Variants in SMYD3 observed in about 807,000 individuals in gnomAD.
The protein encoded by SMYD3 is SET and MYND domain containing 3.
A neutral mutation model predicts 57.7 loss-of-function variants in SMYD3; 36 were observed. The ratio of observed to expected loss-of-function variants is 0.62; its 90% confidence interval spans 0.48 to 0.82. The LOEUF (loss-of-function observed/expected upper bound fraction) is 0.82, where lower values mean the gene tolerates loss of function less well. SMYD3 is among the 40% of genes least tolerant of loss of function. SMYD3 has a pLI of 0.00. For missense variants in SMYD3, 515 were observed against 538.8 expected, an observed-to-expected ratio of 0.96 and a Z score of 0.44; for synonymous variants, 211 against 195.0, an observed-to-expected ratio of 1.08 and a Z score of -0.68.
chr1:246,467,933 G>A (rs1329138638), intron 1 of SMYD3, among the ~76,000 whole-genome samples: 1 of 152,166 alleles, frequency 6.6e-6, no homozygotes, highest in Non-Finnish European at 1.5e-5. Flanking sequence ...GGCCAAGGTG[G>A]GCAGATCGCT....
chr1:245,798,230 T>C (rs1315429541), intron 10 of SMYD3, among the ~76,000 whole-genome samples: 1 of 151,868 alleles, frequency 6.6e-6, no homozygotes, highest in Non-Finnish European at 1.5e-5. Flanking sequence ...CATCACCCAG[T>C]AGTGCCTGTG....
intron 5 of SMYD3, among the ~76,000 whole-genome samples, chr1:246,313,437 G>A (rs1489761072): frequency 6.6e-6 from 1 of 152,200 alleles, no homozygotes; most frequent in Non-Finnish European, 1.5e-5. Flanking sequence ...ATTGGCTGAA[G>A]AAAATGCTGC....
chr1:245,867,255 C>G (rs1238364377), intron 8 of SMYD3, among the ~76,000 whole-genome samples: 1 of 152,146 alleles, frequency 6.6e-6, no homozygotes. Context: ...GGAACCAGTC[C>G]CCTGGAGTTT....
chr1:246,228,829 G>T (rs1216236274), intron 5 of SMYD3, among the ~76,000 whole-genome samples: 1 of 150,622 alleles, frequency 6.6e-6, no homozygotes, highest in African/African-American at 2.4e-5. Context: ...CTTTTTTTTA[G>T]TATGTATATT....
At chr1:245,763,929 C>T (rs1322892476) in intron 11 of SMYD3, 112 bp downstream of exon 11, 15 of 733,354 alleles carry the variant, frequency 2.0e-5, no homozygotes, top group South Asian at 1.4e-4. Flanking sequence ...ACTGGGCATG[C>T]GTGTGTATGC....
chr1:246,143,824 A>G (rs1434752949), intron 5 of SMYD3, among the ~76,000 whole-genome samples: 2 of 152,194 alleles, frequency 1.3e-5, no homozygotes, highest in African/African-American at 2.4e-5. Context: ...CCATTTACCT[A>G]TATGTCTAGA....
intron 5 of SMYD3, among the ~76,000 whole-genome samples, chr1:246,306,966 G>A (rs1474206068): frequency 2.0e-5 from 3 of 151,180 alleles, no homozygotes; most frequent in African/African-American, 7.3e-5. Flanking sequence ...TTCAAACATA[G>A]GGGAGGATGG....
At chr1:245,822,675 T>C (rs547068624) in intron 10 of SMYD3, among the ~76,000 whole-genome samples, 1 of 152,252 alleles carries the variant, frequency 6.6e-6, no homozygotes, top group South Asian at 2.1e-4. Context: ...CTTCCTCCGC[T>C]GAGGGTGAAG....
intron 5 of SMYD3, among the ~76,000 whole-genome samples, chr1:246,240,656 C>G (rs1262695282): frequency 2.0e-5 from 3 of 152,174 alleles, no homozygotes; most frequent in African/African-American, 7.2e-5. Context: ...ATGGCAATAG[C>G]ATTGAATCTA....
intron 5 of SMYD3, among the ~76,000 whole-genome samples, chr1:245,983,437 G>A (rs1385909118): frequency 6.6e-6 from 1 of 152,130 alleles, no homozygotes; most frequent in Non-Finnish European, 1.5e-5. Flanking sequence ...GCTAAGAAAC[G>A]CATTTGATGA....
intron 8 of SMYD3, among the ~76,000 whole-genome samples, chr1:245,867,088 G>C (rs1264573434): frequency 1.3e-5 from 2 of 152,240 alleles, no homozygotes; most frequent in African/African-American, 4.8e-5. Context: ...GATTAAGGTT[G>C]CTAATCAGCT....
intron 1 of SMYD3, among the ~76,000 whole-genome samples, chr1:246,370,698 C>A (rs1232679077): frequency 6.6e-6 from 1 of 152,202 alleles, no homozygotes; most frequent in Non-Finnish European, 1.5e-5. Context: ...CCATCTCTAT[C>A]AGAAAAGTTT....
intron 1 of SMYD3, among the ~76,000 whole-genome samples, chr1:246,453,240 G>T (rs2067656383): frequency 1.3e-5 from 2 of 152,244 alleles, no homozygotes; most frequent in Admixed American, 1.3e-4. Context: ...AGCAGTCATA[G>T]TTCCAGAGCC....
chr1:246,265,763 C>G (rs938142156), intron 5 of SMYD3, among the ~76,000 whole-genome samples: 1 of 152,194 alleles, frequency 6.6e-6, no homozygotes, highest in Non-Finnish European at 1.5e-5. Context: ...GTGAGAGCAT[C>G]TTTTTGAACC....
At chr1:245,924,559 G>A (rs2056224299) in intron 7 of SMYD3, among the ~76,000 whole-genome samples, 1 of 151,946 alleles carries the variant, frequency 6.6e-6, no homozygotes, top group Non-Finnish European at 1.5e-5. Context: ...TCTTAAACTG[G>A]CAGTAGACTG....
At chr1:246,418,237 G>A (rs904207162) in intron 1 of SMYD3, among the ~76,000 whole-genome samples, 6 of 152,150 alleles carry the variant, frequency 3.9e-5, no homozygotes, top group East Asian at 1.9e-4. Context: ...GCTACAAGAC[G>A]GATAAACCGA....
At chr1:245,871,877 T>C (rs1232143151) in intron 8 of SMYD3, among the ~76,000 whole-genome samples, 1 of 152,188 alleles carries the variant, frequency 6.6e-6, no homozygotes, top group Non-Finnish European at 1.5e-5. Context: ...GAGTCAGCTT[T>C]GTTTGGTGGG....
At chr1:245,822,014 A>T (rs2049188452) in intron 10 of SMYD3, among the ~76,000 whole-genome samples, 1 of 152,150 alleles carries the variant, frequency 6.6e-6, no homozygotes, top group South Asian at 2.1e-4. Context: ...CTCGAACTAG[A>T]AATACCATTT....
At chr1:246,158,466 T>C (rs2062059196) in intron 5 of SMYD3, among the ~76,000 whole-genome samples, 1 of 147,818 alleles carries the variant, frequency 6.8e-6, no homozygotes, top group South Asian at 2.1e-4. Flanking sequence ...GAAGAAACAC[T>C]TTCAGATAAA....
Sources: allele counts gnomAD v4.1 joint callset (sites outside exome capture counted in the v4.1 genomes callset), GRCh38; gene constraint gnomAD v4.1.1; transcripts MANE v1.5; gene names NCBI Gene and HGNC (gene_info 2026-07-23, HGNC 2026-07-21).